Variants in TRAPPC9 observed in about 807,000 individuals in gnomAD.
The protein encoded by TRAPPC9 is IKK2 binding protein.
A neutral mutation model predicts 124.0 loss-of-function variants in TRAPPC9; 83 were observed. The observed-to-expected ratio is 0.67, with a 90% CI of 0.56 to 0.80. The LOEUF is 0.80. Among genes scored for constraint, TRAPPC9 ranks in the 30% least tolerant of loss-of-function variants. TRAPPC9 has a pLI of 0.00. For missense variants in TRAPPC9, 1,302 were observed against 1,508.3 expected (o/e 0.86, Z 2.27); for synonymous variants, 638 against 617.5 (o/e 1.03, Z -0.49).
rs542447197 is a variant in TRAPPC9 at position 140,387,944 on chromosome 8, A to T, written c.1134+9676T>A. ...GCACACGTATGTTTATTGCAGCACT[A>T]TTCACAACAGCAGAGACTCGGAACC... On this transcript the variant is annotated intron_variant, in intron 7 of 22. Coordinates refer to ENST00000438773, the MANE Select transcript of TRAPPC9 (RefSeq NM_001160372.4). Among the ~76,000 whole-genome samples the T allele has an allele frequency of 1.1e-4, 17 of 152,218 alleles. No individual in the cohort carries two copies. In the East Asian group the frequency reaches 3.1e-3, roughly 28 times the overall value.
chr8:139,865,618 A>T (rs1275830197), intron 21 of TRAPPC9, among the ~76,000 whole-genome samples: 1 of 152,142 alleles, frequency 6.6e-6, no homozygotes, highest in Non-Finnish European at 1.5e-5. Context: ...CACGGCAGGG[A>T]AGGGAATGTC....
chr8:140,129,174 G>C (rs190595549), intron 17 of TRAPPC9, among the ~76,000 whole-genome samples: 1 of 152,012 alleles, frequency 6.6e-6, no homozygotes, highest in African/African-American at 2.4e-5. Flanking sequence ...ACAACAGATT[G>C]GTGTCCATCT....
rs1479482669 is a variant in TRAPPC9 at position 140,182,762 on chromosome 8, C to A, written c.2556+38697G>T. Among the ~76,000 whole-genome samples, 1 of 152,094 alleles carries A rather than the reference C, an allele frequency of 6.6e-6. No homozygotes were observed. Among genetic ancestry groups the A allele is most frequent in the Admixed American group, 6.5e-5 (1 of 15,274 alleles). Reference sequence around the variant, plus strand: ...TCTTGACCTGGCCTTGACCTATTACCCTCAGCTGAACACATCGTCACACAC... The same window carrying A: ...TCTTGACCTGGCCTTGACCTATTACACTCAGCTGAACACATCGTCACACAC... On this transcript the variant is annotated intron_variant, in intron 17 of 22. Coordinates refer to ENST00000438773, the MANE Select transcript of TRAPPC9 (RefSeq NM_001160372.4). The surrounding 1 kb of genome is among the most constrained non-coding windows in gnomAD (Gnocchi z 4.0).
chr8:139,883,487 G>C (rs978628893), intron 21 of TRAPPC9, among the ~76,000 whole-genome samples: 1 of 152,228 alleles, frequency 6.6e-6, no homozygotes, highest in African/African-American at 2.4e-5. Context: ...AGGCACCTCT[G>C]CCCACACAGG....
At chr8:140,394,932 G>A (rs537413041) in intron 7 of TRAPPC9, among the ~76,000 whole-genome samples, 28 of 152,266 alleles carry the variant, frequency 1.8e-4, no homozygotes, top group African/African-American at 6.3e-4. Context: ...TCTGTGGCCC[G>A]GCGCAGTGCT....
intron 17 of TRAPPC9, among the ~76,000 whole-genome samples, chr8:140,192,437 C>T (rs2062516516): frequency 6.6e-6 from 1 of 152,248 alleles, no homozygotes; most frequent in Admixed American, 6.5e-5. Context: ...GCCCAATCGT[C>T]CACAGAGCAA....
At position 139,852,818 on chromosome 8, in the gene TRAPPC9, G is replaced by C. The variant is rs75408297; in HGVS notation, c.3055+33061C>G. On this transcript the variant is annotated intron_variant, in intron 21 of 22. Transcript: ENST00000438773. The stretch of plus-strand genomic sequence containing the variant: ...TCTGATTGATGACATGAAAAGGTAA[G>C]TTCATGATCCTTTATTCAAGAGGAT... Among the ~76,000 whole-genome samples, 593 of 152,288 alleles carry C rather than the reference G, an allele frequency of 3.9e-3. 7 individuals carry two copies. Among genetic ancestry groups the C allele is most frequent in the African/African-American group, 0.013 (560 of 41,562 alleles).
chr8:140,314,342 T>C (rs1404290765), intron 9 of TRAPPC9, among the ~76,000 whole-genome samples: 1 of 152,240 alleles, frequency 6.6e-6, no homozygotes, highest in East Asian at 1.9e-4. Context: ...TACATAATAA[T>C]TGCACATATT....
intron 17 of TRAPPC9, among the ~76,000 whole-genome samples, chr8:140,072,525 AAAGGAG>A (rs1234474936): frequency 1.4e-5 from 2 of 140,786 alleles, no homozygotes; most frequent in Admixed American, 1.4e-4. Context: ...CTCAAAAAAA[AAAGGAG>A]GAGGAGGAGG....
At chr8:139,824,460 C>T (rs1825482546) in intron 21 of TRAPPC9, among the ~76,000 whole-genome samples, 1 of 152,194 alleles carries the variant, frequency 6.6e-6, no homozygotes, top group Admixed American at 6.5e-5. Flanking sequence ...AGGAAACCCA[C>T]GTCTGAGCAG....
intron 17 of TRAPPC9, among the ~76,000 whole-genome samples, chr8:140,079,069 A>G (rs1280936039): frequency 2.6e-5 from 4 of 152,112 alleles, no homozygotes; most frequent in African/African-American, 9.7e-5. Flanking sequence ...GTGATGGTGA[A>G]TAAGTCTCAC....
intron 19 of TRAPPC9, among the ~76,000 whole-genome samples, chr8:139,983,874 T>C (rs1368331241): frequency 6.6e-6 from 1 of 152,166 alleles, no homozygotes; most frequent in African/African-American, 2.4e-5. Context: ...TTCCACAAAG[T>C]GGCTTTGATC....
intron 18 of TRAPPC9, among the ~76,000 whole-genome samples, chr8:139,989,558 G>A (rs188819918): frequency 8.5e-5 from 13 of 152,302 alleles, no homozygotes; most frequent in Admixed American, 3.9e-4. Flanking sequence ...GCGATGTCCT[G>A]GGAGAAGGCT....
chr8:140,361,460 C>T (rs1249876671), intron 8 of TRAPPC9, among the ~76,000 whole-genome samples: 1 of 152,200 alleles, frequency 6.6e-6, no homozygotes, highest in Non-Finnish European at 1.5e-5. Flanking sequence ...AACTGTAAAA[C>T]GGAGACAGTA....
chr8:139,882,750 C>T (rs1178655013), intron 21 of TRAPPC9, among the ~76,000 whole-genome samples: 1 of 152,180 alleles, frequency 6.6e-6, no homozygotes, highest in African/African-American at 2.4e-5. Flanking sequence ...GACATCATCT[C>T]ATGTAATCCC....
intron 16 of TRAPPC9, among the ~76,000 whole-genome samples, chr8:140,239,681 G>A (rs79772728): frequency 7.6e-4 from 116 of 152,300 alleles, no homozygotes; most frequent in African/African-American, 2.6e-3. Flanking sequence ...CTCTGCTCTC[G>A]CCAGCCCCTG....
chr8:140,038,500 T>C (rs987908310), intron 17 of TRAPPC9, among the ~76,000 whole-genome samples: 1 of 152,108 alleles, frequency 6.6e-6, no homozygotes, highest in Admixed American at 6.5e-5. Context: ...ATCTGGAAAA[T>C]ACCTGCAGCG....
At chr8:139,838,303 A>G (rs2130874177) in intron 21 of TRAPPC9, among the ~76,000 whole-genome samples, 1 of 152,328 alleles carries the variant, frequency 6.6e-6, no homozygotes, top group African/African-American at 2.4e-5. Flanking sequence ...CTTGGCACAC[A>G]TCGCTGAAGT....
At chr8:140,406,291 A>C (rs550130360) in intron 5 of TRAPPC9, among the ~76,000 whole-genome samples, 1 of 152,210 alleles carries the variant, frequency 6.6e-6, no homozygotes, top group African/African-American at 2.4e-5. Context: ...CTCTGGCAGA[A>C]AAAAAATAAA....
Sources: allele counts gnomAD v4.1 joint callset (sites outside exome capture counted in the v4.1 genomes callset), GRCh38; gene constraint gnomAD v4.1.1; non-coding constraint Gnocchi (gnomAD v3.1); transcripts MANE v1.5; gene names NCBI Gene and HGNC (gene_info 2026-07-23, HGNC 2026-07-21).